RSRC1: variants seen among roughly 807,000 people sequenced by gnomAD.
RSRC1 encodes the protein arginine and serine rich coiled-coil 1.
A neutral mutation model predicts 49.1 loss-of-function variants in RSRC1; 39 were observed. The observed-to-expected ratio is 0.79, with a 90% CI of 0.61 to 1.04. The LOEUF is 1.04. RSRC1 is among the 50% of genes least tolerant of loss of function. The probability of loss-of-function intolerance (pLI) is 0.00; values close to 1 mark genes in which losing one functional copy is unlikely to be tolerated. For missense variants in RSRC1, 388 were observed against 402.4 expected (o/e 0.96, Z 0.31); for synonymous variants, 143 against 130.8 (o/e 1.09, Z -0.63).
chr3:158,239,997 A>G (rs1723477760), intron 4 of RSRC1, among the ~76,000 whole-genome samples: 1 of 152,178 alleles, frequency 6.6e-6, no homozygotes, highest in Non-Finnish European at 1.5e-5. Context: ...TTGGAATTAC[A>G]TCGTATCTGT....
chr3:158,196,625 T>C (rs1227517489), intron 3 of RSRC1, among the ~76,000 whole-genome samples: 3 of 152,210 alleles, frequency 2.0e-5, no homozygotes, highest in Non-Finnish European at 4.4e-5. Context: ...CAGTATGATA[T>C]TGGCTGTGGG....
At chr3:158,273,568 G>A (rs1725639458) in intron 4 of RSRC1, among the ~76,000 whole-genome samples, 1 of 152,078 alleles carries the variant, frequency 6.6e-6, no homozygotes, top group African/African-American at 2.4e-5. Context: ...TTAGCACTGA[G>A]GCCTATTTCC....
chr3:158,347,167 C>G (rs902646449), intron 5 of RSRC1, among the ~76,000 whole-genome samples: 5 of 151,936 alleles, frequency 3.3e-5, no homozygotes, highest in African/African-American at 1.2e-4. Context: ...GTTATTTTGA[C>G]TCTCTCTCTC....
At chr3:158,126,875 TTTTTGTTTTTGTTTTTG>T (rs1347022961) in intron 3 of RSRC1, among the ~76,000 whole-genome samples, 9 of 13,386 alleles carry the variant, frequency 6.7e-4, no homozygotes, top group African/African-American at 6.2e-3. Context: ...GACAGGGTTT[TTTTTGTTTTTGTTTTTG>T]TTTTTGTTTT....
chr3:158,250,985 CTT>C (rs1316648191), intron 4 of RSRC1, among the ~76,000 whole-genome samples: 1 of 152,046 alleles, frequency 6.6e-6, no homozygotes, highest in Non-Finnish European at 1.5e-5. Context: ...AAATTTAAGT[CTT>C]TCATTGATTT....
At chr3:158,224,970 T>C (rs1430555611) in intron 4 of RSRC1, among the ~76,000 whole-genome samples, 1 of 151,898 alleles carries the variant, frequency 6.6e-6, no homozygotes, top group African/African-American at 2.4e-5. Context: ...AATATTGTGA[T>C]AGTAGAAATA....
At chr3:158,377,548 C>G (rs1262795608) in intron 6 of RSRC1, among the ~76,000 whole-genome samples, 1 of 152,158 alleles carries the variant, frequency 6.6e-6, no homozygotes, top group East Asian at 1.9e-4. Flanking sequence ...ACTGACTCCC[C>G]CTTTCCTGAG....
intron 7 of RSRC1, among the ~76,000 whole-genome samples, chr3:158,526,374 T>A (rs971344344): frequency 6.6e-6 from 1 of 152,010 alleles, no homozygotes; most frequent in African/African-American, 2.4e-5. Flanking sequence ...ATCCAAAATC[T>A]AGCTCTAATA....
intron 4 of RSRC1, among the ~76,000 whole-genome samples, chr3:158,263,874 A>C (rs1171292205): frequency 6.6e-6 from 1 of 152,142 alleles, no homozygotes; most frequent in Non-Finnish European, 1.5e-5. Context: ...TGTAGAGTCT[A>C]CACCGATGTC....
At chr3:158,390,053 T>C (rs1011498005) in intron 6 of RSRC1, among the ~76,000 whole-genome samples, 6 of 152,202 alleles carry the variant, frequency 3.9e-5, no homozygotes, top group Non-Finnish European at 8.8e-5. Context: ...GTAGCAATCT[T>C]ACTGTGCCTT....
chr3:158,154,995 A>G (rs531337088), intron 3 of RSRC1, among the ~76,000 whole-genome samples: 1 of 152,244 alleles, frequency 6.6e-6, no homozygotes, highest in Non-Finnish European at 1.5e-5. Flanking sequence ...TTCAGGCTCC[A>G]CTTCTAATTC....
At chr3:158,333,806 C>T (rs2108200489) in intron 5 of RSRC1, among the ~76,000 whole-genome samples, 1 of 152,246 alleles carries the variant, frequency 6.6e-6, no homozygotes, top group Admixed American at 6.5e-5. Context: ...TAGACTGTTC[C>T]AGGTAATTGG....
chr3:158,129,022 A>G (rs141939953), intron 3 of RSRC1, among the ~76,000 whole-genome samples: 37 of 152,270 alleles, frequency 2.4e-4, no homozygotes, highest in African/African-American at 8.7e-4. Context: ...TCGTGTAGTT[A>G]AGGTGCCAGG....
intron 6 of RSRC1, among the ~76,000 whole-genome samples, chr3:158,399,417 AAG>A (rs1733788039): frequency 6.9e-6 from 1 of 144,978 alleles, no homozygotes; most frequent in African/African-American, 2.6e-5. Flanking sequence ...CGGCCTCCCA[AAG>A]TGCTGGGATT....
intron 5 of RSRC1, among the ~76,000 whole-genome samples, chr3:158,316,554 C>T (rs185612996): frequency 0.075 from 11,157 of 148,686 alleles, 481 homozygotes; most frequent in South Asian, 0.12. Context: ...ACGCCATTCT[C>T]CTGCCTCAGC....
intron 6 of RSRC1, among the ~76,000 whole-genome samples, chr3:158,441,656 A>C (rs1736386061): frequency 6.6e-6 from 1 of 152,170 alleles, no homozygotes; most frequent in Admixed American, 6.6e-5. Context: ...CATCACATGG[A>C]ACTTGTTAAA....
At chr3:158,419,758 C>CT (rs1319622115) in intron 6 of RSRC1, among the ~76,000 whole-genome samples, 1 of 150,030 alleles carries the variant, frequency 6.7e-6, no homozygotes, top group Admixed American at 6.7e-5. Flanking sequence ...ACAGGATAGA[C>CT]TTTTTTTATT....
chr3:158,357,992 C>A (rs566313811), intron 6 of RSRC1, among the ~76,000 whole-genome samples: 1 of 152,062 alleles, frequency 6.6e-6, no homozygotes, highest in Admixed American at 6.5e-5. Context: ...ACTATTGCAT[C>A]GTAATTGATA....
chr3:158,131,208 A>T (rs547981788), intron 3 of RSRC1, among the ~76,000 whole-genome samples: 5 of 151,946 alleles, frequency 3.3e-5, no homozygotes, highest in South Asian at 4.2e-4. Context: ...ATATTAACTA[A>T]GTTTCTTGTG....
Sources: gnomAD v4.1 joint callset for allele counts (sites outside exome capture counted in the v4.1 genomes callset) on GRCh38, gnomAD v4.1.1 for gene constraint, MANE v1.5 for transcripts, NCBI Gene and HGNC (gene_info 2026-07-23, HGNC 2026-07-21) for gene names.